Variants in WSB2 observed in about 807,000 individuals in gnomAD.
WSB2 encodes the protein WD repeat and SOCS box-containing protein 2.
In WSB2, 12 loss-of-function variants were observed where a neutral mutation model predicts 48.8. The observed-to-expected ratio is 0.25, with a 90% confidence interval of 0.16 to 0.40. The LOEUF is 0.40. Among genes scored for constraint, WSB2 ranks in the 10% least tolerant of loss-of-function variants. The pLI, the probability that WSB2 is intolerant of heterozygous loss-of-function variation, is 1.00. For missense variants in WSB2, 317 were observed against 506.2 expected (o/e 0.63, Z 3.59); for synonymous variants, 191 against 203.1 (o/e 0.94, Z 0.51).
At chr12:118,056,884 G>C (rs544106437) in intron 1 of WSB2, among the ~76,000 whole-genome samples, 2 of 152,250 alleles carry the variant, frequency 1.3e-5, no homozygotes, top group Admixed American at 6.5e-5. Flanking sequence ...CTGGGTGACA[G>C]AGCAAGACTC....
chr12:118,059,829 A>C (rs1002133848), intron 1 of WSB2, among the ~76,000 whole-genome samples: 7 of 152,338 alleles, frequency 4.6e-5, no homozygotes, highest in Admixed American at 3.9e-4. Flanking sequence ...GGAAGGAGAG[A>C]GAGCTGCCTT....
At chr12:118,043,053 G>GT in intron 3 of WSB2, 80 bp downstream of exon 3, 1 of 1,613,632 alleles carries the variant, frequency 6.2e-7, no homozygotes, top group Non-Finnish European at 8.5e-7. Flanking sequence ...CTTGGCCAAC[G>GT]TGAGTGGGGC....
intron 1 of WSB2, among the ~76,000 whole-genome samples, chr12:118,053,786 G>A (rs2031899038): frequency 6.6e-6 from 1 of 152,086 alleles, no homozygotes; most frequent in South Asian, 2.1e-4. Flanking sequence ...TCCTGAATAA[G>A]GTCACTTCCT....
chr12:118,034,427 C>T (rs1039412581), intron 8 of WSB2, 69 bp from the exon 9 acceptor site: 14 of 1,569,004 alleles, frequency 8.9e-6, no homozygotes, highest in Non-Finnish European at 1.1e-5. Context: ...GATGAATACT[C>T]ATGTTTCTGT....
At chr12:118,062,033 T>TGGGGC, upstream of WSB2, 1 of 1,378,236 alleles carries the variant, frequency 7.3e-7, no homozygotes, top group Non-Finnish European at 9.5e-7. Flanking sequence ...AAAACCGGAG[T>TGGGGC]GGGGGTGGGA....
rs766397606 is a variant in WSB2 at position 118,043,300 on chromosome 12, G to A, written c.260C>T (p.Thr87Met). ...CCAGACAATCTGACCACAGTCCAGC[G>A]TCTTCTCTTTTGGGCTGCCCCGCCC... ...TKGRGSPKEKTLDCGQIVWGL... is the reference protein window; with the variant it reads ...TKGRGSPKEKMLDCGQIVWGL... Residue 87 changes from threonine (T) to methionine (M), a missense_variant, in exon 3 of 9, where the codon ACG (threonine) becomes ATG (methionine). Coordinates refer to ENST00000315436, the MANE Select transcript of WSB2 (RefSeq NM_018639.5). 16 of 1,613,512 alleles carry A rather than the reference G, an allele frequency of 9.9e-6. No individual in the cohort carries two copies. The highest frequency in any genetic ancestry group is 3.3e-4 in the Middle Eastern group (2 of 6,076).
chr12:118,038,657 A>AT (rs1328132292), intron 4 of WSB2, among the ~76,000 whole-genome samples: 3 of 152,264 alleles, frequency 2.0e-5, no homozygotes, highest in African/African-American at 7.2e-5. Context: ...GTAAGGGTGA[A>AT]GGGGTACATT....
Position 118,043,239 on chromosome 12 carries a change from G to C in WSB2, c.321C>G (p.Ser107Arg). ...GGTGGTGGCGTGCCCAGAGCTTCCT[G>C]CTGGGTGGGGAAGGCCACGGGCTGA... ...LAFSPWPSPPSRKLWARHHPQ... is the reference protein window; with the variant it reads ...LAFSPWPSPPRRKLWARHHPQ... The change falls in exon 3 of 9, where the codon AGC becomes AGG. Residue 107 changes from serine (S) to arginine (R), a missense_variant. Physicochemically the swap from Ser to Arg is moderately radical, Grantham distance 110. This residue lies in a region of WSB2 where 128 missense variants were observed against 156.7 expected (regional missense o/e 0.82). Transcript: ENST00000315436. The C allele has an allele frequency of 6.2e-7, 1 of 1,614,246 alleles. No individual in the cohort carries two copies. Among genetic ancestry groups the C allele is most frequent in the Non-Finnish European group, 8.5e-7 (1 of 1,180,034 alleles).
intron 4 of WSB2, among the ~76,000 whole-genome samples, chr12:118,040,606 C>A (rs1025095988): frequency 6.7e-6 from 1 of 149,734 alleles, no homozygotes; most frequent in Non-Finnish European, 1.5e-5. Flanking sequence ...ACTAAAAATA[C>A]GAAAATTAGC....
chr12:118,037,667 TAAA>T (rs752087366), intron 5 of WSB2, among the ~76,000 whole-genome samples: 3 of 123,556 alleles, frequency 2.4e-5, no homozygotes, highest in Admixed American at 8.4e-5. Flanking sequence ...AAACTCTGTC[TAAA>T]AAAAAAAAAA....
chr12:118,042,662 G>A (rs2031660988), intron 4 of WSB2, 179 bp downstream of exon 4: 5 of 848,980 alleles, frequency 5.9e-6, no homozygotes, highest in Non-Finnish European at 8.9e-6. Flanking sequence ...ATTTGGTATA[G>A]TATTATCTTT....
intron 6 of WSB2, 118 bp from the exon 7 acceptor site, chr12:118,035,442 TGTGCCCCTC>T (rs2031489327): frequency 3.7e-6 from 3 of 808,884 alleles, no homozygotes; most frequent in Non-Finnish European, 6.0e-6. Context: ...AGATGCATTG[TGTGCCCCTC>T]GTGGAAAAGC....
intron 5 of WSB2, chr12:118,037,724 A>G (rs2031546316): frequency 6.6e-6 from 1 of 152,110 alleles, no homozygotes; most frequent in Non-Finnish European, 1.5e-5. Flanking sequence ...ACAAAAATAA[A>G]TGATGAACCA....
At chr12:118,050,196 A>G (rs963219282) in intron 2 of WSB2, among the ~76,000 whole-genome samples, 1 of 152,136 alleles carries the variant, frequency 6.6e-6, no homozygotes, top group Non-Finnish European at 1.5e-5. Context: ...AAAGAAAAAA[A>G]AAGAAACTAC....
chr12:118,034,073 C>G lies in WSB2; in HGVS notation c.*123G>C. 7.5e-7 allele frequency: 1 copy of G among 1,342,036 alleles called. No individual in the cohort carries two copies. Among genetic ancestry groups the G allele is most frequent in the Non-Finnish European group, 1.0e-6 (1 of 958,396 alleles). 83.1% of individuals were successfully genotyped at this position (1,342,036 alleles called of 1,614,324 possible). On this transcript the variant is annotated 3_prime_UTR_variant, in exon 9 of 9. Transcript: ENST00000315436. ...CACTGGAATCTGGTTTTGCTACATT[C>G]TATTCACAATCCCAAAGAAATGCTA...
At position 118,043,257 on chromosome 12, in the gene WSB2, C is replaced by T. The variant is rs769908457; in HGVS notation, c.303G>A (p.Pro101=). The change falls in exon 3 of 9, where the codon CCG becomes CCA. Residue 101 remains proline (P), a synonymous_variant. Coordinates refer to ENST00000315436, the MANE Select transcript of WSB2 (RefSeq NM_018639.5). ...GQIVWGLAFS[P]WPSPPSRKLW... ...GCTTCCTGCTGGGTGGGGAAGGCCA[C>T]GGGCTGAAGGCCAGCCCCCAGACAA... 8.1e-6 allele frequency: 13 copies of T among 1,614,074 alleles called. No individual in the cohort carries two copies. The Admixed American group carries it at 8.3e-5, about 10-fold the overall frequency.
chr12:118,035,375 A>G, intron 6 of WSB2, 51 bp from the exon 7 acceptor site: 2 of 1,527,758 alleles, frequency 1.3e-6, no homozygotes, highest in Non-Finnish European at 9.1e-7. Flanking sequence ...GCTGCTCTCC[A>G]CCCTCCATCA....
At chr12:118,058,602 T>C (rs937941591) in intron 1 of WSB2, among the ~76,000 whole-genome samples, 16 of 152,170 alleles carry the variant, frequency 1.1e-4, no homozygotes, top group African/African-American at 3.1e-4. Context: ...TCTACCCAAG[T>C]TGGCCTCCCA....
rs1386465575 is a variant in WSB2, at chr12:118,043,281, A to C, written c.279T>G (p.Ile93Met). ...PKEKTLDCGQ[I>M]VWGLAFSPWP... ...ACGGGCTGAAGGCCAGCCCCCAGAC[A>C]ATCTGACCACAGTCCAGCGTCTTCT... The change falls in exon 3 of 9, where the codon ATT becomes ATG. Residue 93 changes from isoleucine (I) to methionine (M), a missense_variant. By Grantham distance (10) the Ile-to-Met change is conservative. Around this residue, in one of 2 missense-constraint regions of WSB2, gnomAD observed 128 missense variants for 156.7 expected, o/e 0.82. Coordinates refer to ENST00000315436, the MANE Select transcript of WSB2 (RefSeq NM_018639.5). 6.2e-7 allele frequency: 1 copy of C among 1,614,054 alleles called. No homozygotes were observed. The highest frequency in any genetic ancestry group is 1.3e-5 in the African/African-American group (1 of 74,946).
Sources: allele counts gnomAD v4.1 joint callset (sites outside exome capture counted in the v4.1 genomes callset), GRCh38; gene constraint gnomAD v4.1.1; regional missense constraint gnomAD v4.1.1; transcripts MANE v1.5; gene names NCBI Gene and HGNC (gene_info 2026-07-23, HGNC 2026-07-21).